COLEC10: variants seen among roughly 807,000 people sequenced by gnomAD.
The protein encoded by COLEC10 is collectin-10.
COLEC10 carries 22 observed loss-of-function variants against 28.4 expected under a neutral mutation model. The ratio of observed to expected loss-of-function variants is 0.78; its 90% CI spans 0.55 to 1.11. The LOEUF is 1.11. Among genes scored for constraint, COLEC10 ranks in the 50% least tolerant of loss-of-function variants. The pLI is 0.00. For synonymous variants in COLEC10, 125 were observed against 116.1 expected (o/e 1.08, Z -0.49); for missense variants, 361 against 344.1 (o/e 1.05, Z -0.39).
intron 1 of COLEC10, among the ~76,000 whole-genome samples, chr8:119,082,142 G>A (rs1815382735): frequency 6.6e-6 from 1 of 152,166 alleles, no homozygotes; most frequent in Non-Finnish European, 1.5e-5. Flanking sequence ...GGAAATTAGA[G>A]CATGACTGTA....
At chr8:118,985,713 G>C in the COLEC10 span, among the ~76,000 whole-genome samples, 1 of 151,952 alleles carries the variant, frequency 6.6e-6, no homozygotes, top group African/African-American at 2.4e-5. Flanking sequence ...AAGAGATAAA[G>C]AAAATCAGTG....
At chr8:119,056,251 C>T (rs1383458683) in intron 2 of COLEC10, among the ~76,000 whole-genome samples, 3 of 152,028 alleles carry the variant, frequency 2.0e-5, no homozygotes, top group South Asian at 4.1e-4. Flanking sequence ...GTTGCCTACT[C>T]AATATCTATT....
At chr8:119,101,726 T>C (rs1815831304) in intron 3 of COLEC10, among the ~76,000 whole-genome samples, 1 of 152,232 alleles carries the variant, frequency 6.6e-6, no homozygotes, top group Non-Finnish European at 1.5e-5. Flanking sequence ...ACCCAGCCTT[T>C]TGGTTTTCAT....
chr8:119,055,924 G>C (rs1814752820), intron 2 of COLEC10, among the ~76,000 whole-genome samples: 1 of 151,916 alleles, frequency 6.6e-6, no homozygotes, highest in African/African-American at 2.4e-5. Flanking sequence ...CTGATATGTA[G>C]ATGACTTTCT....
chr8:119,053,434 G>A (rs1320194176), intron 2 of COLEC10, among the ~76,000 whole-genome samples: 1 of 152,102 alleles, frequency 6.6e-6, no homozygotes, highest in Non-Finnish European at 1.5e-5. Flanking sequence ...AGGAACACTT[G>A]AGTACCCGAA....
chr8:119,006,235 GA>G (rs1813793868), intron 1 of COLEC10, among the ~76,000 whole-genome samples: 1 of 152,044 alleles, frequency 6.6e-6, no homozygotes, highest in South Asian at 2.1e-4. Context: ...TGAGTAGTGT[GA>G]GAATAGGAAG....
chr8:118,971,570 A>G, the COLEC10 span, among the ~76,000 whole-genome samples: 1 of 152,002 alleles, frequency 6.6e-6, no homozygotes, highest in Non-Finnish European at 1.5e-5. Flanking sequence ...GGCTGTTTAT[A>G]TCCGTTTCTT....
At chr8:119,096,689 G>T (rs371852863) in intron 3 of COLEC10, among the ~76,000 whole-genome samples, 1 of 152,022 alleles carries the variant, frequency 6.6e-6, no homozygotes, top group African/African-American at 2.4e-5. Flanking sequence ...TGCTACCTTT[G>T]TATTCAATAA....
chr8:119,080,778 CATT>C (rs1815352468), intron 1 of COLEC10, among the ~76,000 whole-genome samples: 1 of 152,076 alleles, frequency 6.6e-6, no homozygotes, highest in Non-Finnish European at 1.5e-5. Flanking sequence ...CCGTAGACAT[CATT>C]AATAGCTTAG....
intron 2 of COLEC10, among the ~76,000 whole-genome samples, chr8:119,056,968 T>A (rs149045457): frequency 1.6e-4 from 24 of 152,180 alleles, no homozygotes; most frequent in Admixed American, 1.1e-3. Context: ...GACTTAAATG[T>A]GCTATTCTGT....
chr8:119,020,085 C>A (rs1814065855), intron 2 of COLEC10, among the ~76,000 whole-genome samples: 1 of 152,158 alleles, frequency 6.6e-6, no homozygotes, highest in South Asian at 2.1e-4. Flanking sequence ...TATGATCACA[C>A]AGGACTTATT....
intron 3 of COLEC10, among the ~76,000 whole-genome samples, chr8:119,101,722 C>A (rs574383594): frequency 1.3e-5 from 2 of 152,132 alleles, no homozygotes; most frequent in Admixed American, 1.3e-4. Context: ...AAGCACCCAG[C>A]CTTTTGGTTT....
the COLEC10 span, chr8:118,982,728 A>G: frequency 6.5e-6 from 1 of 154,594 alleles, no homozygotes. Flanking sequence ...ACTGGACCCA[A>G]CTTCCTCTGG....
At chr8:119,074,468 T>C (rs1460426597) in intron 1 of COLEC10, among the ~76,000 whole-genome samples, 1 of 152,186 alleles carries the variant, frequency 6.6e-6, no homozygotes, top group African/African-American at 2.4e-5. Context: ...GGAGATCATA[T>C]TGCCCACCTC....
the COLEC10 span, among the ~76,000 whole-genome samples, chr8:118,980,184 T>C: frequency 6.6e-6 from 1 of 151,844 alleles, no homozygotes. Context: ...GGAGATCTTT[T>C]TAGTACCATA....
At chr8:119,101,610 A>C (rs946783002) in intron 3 of COLEC10, among the ~76,000 whole-genome samples, 1 of 152,196 alleles carries the variant, frequency 6.6e-6, no homozygotes, top group Non-Finnish European at 1.5e-5. Context: ...TATATTTGAC[A>C]TGACTTTGTA....
chr8:119,033,689 G>GAT (rs1470976474), intron 2 of COLEC10, among the ~76,000 whole-genome samples: 1 of 152,148 alleles, frequency 6.6e-6, no homozygotes, highest in African/African-American at 2.4e-5. Flanking sequence ...ACCACAATGA[G>GAT]ATACCATTTC....
intron 1 of COLEC10, among the ~76,000 whole-genome samples, chr8:118,997,780 A>G (rs1017126640): frequency 2.0e-4 from 31 of 152,160 alleles, no homozygotes; most frequent in Non-Finnish European, 1.2e-4. Flanking sequence ...CTAGAAATTC[A>G]CAAGAGTTAA....
chr8:119,045,782 C>T (rs4305930), intron 2 of COLEC10, among the ~76,000 whole-genome samples: 102,979 of 152,068 alleles, frequency 0.68, 36,814 homozygotes, highest in African/African-American at 0.92. Context: ...AACCCATAGC[C>T]CTCTGTTTAC....
Sources: gnomAD v4.1 joint callset for allele counts (sites outside exome capture counted in the v4.1 genomes callset) on GRCh38, gnomAD v4.1.1 for gene constraint, MANE v1.5 for transcripts, NCBI Gene and HGNC (gene_info 2026-07-23, HGNC 2026-07-21) for gene names.